MAGI1: variants seen among roughly 807,000 people sequenced by gnomAD.
MAGI1 encodes membrane associated guanylate kinase, WW and PDZ domain containing 1, also known as membrane-associated guanylate kinase, WW and PDZ domain-containing protein 1.
A neutral mutation model predicts 139.9 loss-of-function variants in MAGI1; 58 were observed. The observed-to-expected ratio is 0.41, with a 90% confidence interval of 0.34 to 0.52. The LOEUF (loss-of-function observed/expected upper bound fraction) is 0.52, where lower values mean the gene tolerates loss of function less well. Among genes scored for constraint, MAGI1 ranks in the 20% least tolerant of loss-of-function variants. The pLI is 0.12. For synonymous variants in MAGI1, 812 were observed against 737.9 expected, an observed-to-expected ratio of 1.10 and a Z score of -1.63; for missense variants, 1,874 against 1,901.6, an observed-to-expected ratio of 0.99 and a Z score of 0.27.
intron 2 of MAGI1, among the ~76,000 whole-genome samples, chr3:65,616,868 C>T (rs1467047121): frequency 6.6e-6 from 1 of 152,132 alleles, no homozygotes; most frequent in African/African-American, 2.4e-5. Context: ...ACAAATAGGT[C>T]TAGTTCATGT....
intron 2 of MAGI1, among the ~76,000 whole-genome samples, chr3:65,508,529 A>C (rs533326436): frequency 1.1e-4 from 16 of 152,346 alleles, no homozygotes; most frequent in African/African-American, 2.6e-4. Context: ...GGGCCTTTTC[A>C]AACAAGCCTT....
chr3:65,676,879 C>T (rs2107493391), intron 1 of MAGI1, among the ~76,000 whole-genome samples: 1 of 152,278 alleles, frequency 6.6e-6, no homozygotes, highest in Admixed American at 6.5e-5. Context: ...AACGACATAT[C>T]CCAGTTTGCT....
At chr3:65,579,744 G>A (rs2081331780) in intron 2 of MAGI1, among the ~76,000 whole-genome samples, 1 of 151,954 alleles carries the variant, frequency 6.6e-6, no homozygotes, top group Non-Finnish European at 1.5e-5. Flanking sequence ...CTACTCGGGA[G>A]GCTGAGGCAG....
rs566728416 is a variant in MAGI1 at position 65,935,309 on chromosome 3, G to A, written c.313+102687C>T. Among the ~76,000 whole-genome samples, 10 of 152,294 alleles carry A rather than the reference G, an allele frequency of 6.6e-5. No homozygotes were observed. The South Asian group carries it at 2.1e-3, about 32-fold the overall frequency. On this transcript the variant is annotated intron_variant, in intron 1 of 22. Coordinates refer to ENST00000402939, the MANE Select transcript of MAGI1 (RefSeq NM_001033057.2). Reference sequence around the variant, plus strand: ...TTGAACAAAAGGGGGCATGTGGAATGAATAAGAAGAATGGTTTTGTAGATT... The same window carrying A: ...TTGAACAAAAGGGGGCATGTGGAATAAATAAGAAGAATGGTTTTGTAGATT...
intron 12 of MAGI1, among the ~76,000 whole-genome samples, chr3:65,418,128 A>C (rs1428205580): frequency 6.6e-6 from 1 of 152,152 alleles, no homozygotes; most frequent in Admixed American, 6.5e-5. Flanking sequence ...CAAAATGACA[A>C]ACTGTGGAGG....
intron 1 of MAGI1, among the ~76,000 whole-genome samples, chr3:65,895,730 T>A (rs947371669): frequency 2.6e-5 from 4 of 152,174 alleles, no homozygotes; most frequent in African/African-American, 9.7e-5. Flanking sequence ...TCAGTTACCC[T>A]CCATTTTAAC....
At chr3:65,808,218 C>T (rs956290793) in intron 1 of MAGI1, among the ~76,000 whole-genome samples, 1 of 152,178 alleles carries the variant, frequency 6.6e-6, no homozygotes, top group African/African-American at 2.4e-5. Context: ...CTCCCAACCT[C>T]AGGTGATCCA....
At chr3:65,617,313 G>C (rs2083428990) in intron 2 of MAGI1, among the ~76,000 whole-genome samples, 1 of 152,190 alleles carries the variant, frequency 6.6e-6, no homozygotes, top group African/African-American at 2.4e-5. Flanking sequence ...GAAAAGTGAG[G>C]AGGAATGGGA....
At chr3:65,801,180 T>A (rs2040490456) in intron 1 of MAGI1, among the ~76,000 whole-genome samples, 2 of 152,104 alleles carry the variant, frequency 1.3e-5, no homozygotes, top group Admixed American at 1.3e-4. Context: ...CTTCCTGAAA[T>A]GGAAAAATAA....
intron 1 of MAGI1, among the ~76,000 whole-genome samples, chr3:65,845,914 A>G (rs937732598): frequency 8.5e-5 from 13 of 152,238 alleles, no homozygotes; most frequent in Admixed American, 2.6e-4. Context: ...GTTAACCTGC[A>G]AAGCCTATCA....
intron 1 of MAGI1, among the ~76,000 whole-genome samples, chr3:66,026,942 CTTTT>C (rs2068299794): frequency 6.6e-6 from 1 of 151,676 alleles, no homozygotes; most frequent in Non-Finnish European, 1.5e-5. Flanking sequence ...ACATTTCTTT[CTTTT>C]TTCTTTTTTT....
At chr3:65,591,408 C>T (rs900018060) in intron 2 of MAGI1, among the ~76,000 whole-genome samples, 1 of 152,174 alleles carries the variant, frequency 6.6e-6, no homozygotes, top group Non-Finnish European at 1.5e-5. Flanking sequence ...ATATATATAA[C>T]CACTTTGTAC....
chr3:65,772,256 G>C (rs761339910), intron 1 of MAGI1, among the ~76,000 whole-genome samples: 1 of 152,168 alleles, frequency 6.6e-6, no homozygotes, highest in Non-Finnish European at 1.5e-5. Context: ...TCCCTTCCTT[G>C]TAGGGGCCAA....
At chr3:65,498,568 A>T (rs2076964334) in intron 2 of MAGI1, among the ~76,000 whole-genome samples, 1 of 152,190 alleles carries the variant, frequency 6.6e-6, no homozygotes, top group Non-Finnish European at 1.5e-5. Flanking sequence ...AGAAACACAG[A>T]AGTAAGGATT....
At chr3:65,652,893 T>C (rs2085664903) in intron 1 of MAGI1, among the ~76,000 whole-genome samples, 1 of 152,120 alleles carries the variant, frequency 6.6e-6, no homozygotes, top group South Asian at 2.1e-4. Context: ...AAAGCCATGA[T>C]GCCCAAAACT....
intron 1 of MAGI1, among the ~76,000 whole-genome samples, chr3:65,713,387 T>A (rs1433049900): frequency 6.6e-6 from 1 of 152,126 alleles, no homozygotes; most frequent in African/African-American, 2.4e-5. Context: ...TTCTTTCAGA[T>A]TCTGGGAGGT....
intron 1 of MAGI1, among the ~76,000 whole-genome samples, chr3:66,021,846 A>G (rs1420204244): frequency 6.6e-6 from 1 of 152,174 alleles, no homozygotes; most frequent in Non-Finnish European, 1.5e-5. Flanking sequence ...CTATAACTTG[A>G]AAACTCTCCC....
At chr3:65,536,397 A>G (rs2078959360) in intron 2 of MAGI1, among the ~76,000 whole-genome samples, 1 of 152,312 alleles carries the variant, frequency 6.6e-6, no homozygotes, top group Admixed American at 6.5e-5. Flanking sequence ...TCCCTGAAAT[A>G]TTGCTAGAGC....
At position 65,933,277 on chromosome 3, in the gene MAGI1, C is replaced by T. The variant is rs137897844; in HGVS notation, c.313+104719G>A. ...GTAAGGAACAGTTTAGTTCGTGGCTCAGGATCTCATGTGGTTGCAATCAAA... is the reference window on the plus strand; with the variant it reads ...GTAAGGAACAGTTTAGTTCGTGGCTTAGGATCTCATGTGGTTGCAATCAAA... On this transcript the variant is annotated intron_variant, in intron 1 of 22. Coordinates refer to ENST00000402939, the MANE Select transcript of MAGI1 (RefSeq NM_001033057.2). Among the ~76,000 whole-genome samples the T allele has an allele frequency of 4.4e-4, 67 of 152,318 alleles. 1 individual carries two copies. Among genetic ancestry groups the T allele is most frequent in the African/African-American group, 1.5e-3 (63 of 41,576 alleles).
Sources: allele counts gnomAD v4.1 joint callset (sites outside exome capture counted in the v4.1 genomes callset), GRCh38; gene constraint gnomAD v4.1.1; transcripts MANE v1.5; gene names NCBI Gene and HGNC (gene_info 2026-07-23, HGNC 2026-07-21).